The following TENM2 variants were observed in gnomAD, a reference collection of about 807,000 sequenced individuals.
TENM2 encodes teneurin-2.
Under a neutral mutation model 245.2 loss-of-function variants are expected in TENM2, and 52 were observed. The observed-to-expected ratio is 0.21, with a 90% CI of 0.17 to 0.27. TENM2 has a LOEUF of 0.27. Among genes scored for constraint, TENM2 ranks in the 10% least tolerant of loss-of-function variants. TENM2 has a pLI of 1.00. For missense variants in TENM2, 3,046 were observed against 3,666.8 expected (o/e 0.83, Z 4.37); for synonymous variants, 1,363 against 1,438.9 (o/e 0.95, Z 1.19).
chr5:167,868,402 T>A (rs1772516606), intron 2 of TENM2, among the ~76,000 whole-genome samples: 1 of 151,870 alleles, frequency 6.6e-6, no homozygotes, highest in Non-Finnish European at 1.5e-5. Flanking sequence ...AATATAAATA[T>A]TAGAAGTAAA....
chr5:167,446,518 G>A lies in TENM2; in HGVS notation c.502+71045G>A, dbSNP rs1217321273. Among the ~76,000 whole-genome samples the A allele has an allele frequency of 2.0e-5, 3 of 152,160 alleles. No individual in the cohort carries two copies. The East Asian group carries it at 5.8e-4, about 29-fold the overall frequency. On this transcript the variant is annotated intron_variant, in intron 2 of 28. Coordinates refer to ENST00000518659, the Ensembl canonical transcript of TENM2. ...TTAATTTCTTATACCATTCTAATAT[G>A]TGACTTGGAACTGATCCGTTGCTGT...
At chr5:167,539,241 G>T (rs945234255) in intron 2 of TENM2, among the ~76,000 whole-genome samples, 2 of 152,052 alleles carry the variant, frequency 1.3e-5, no homozygotes, top group African/African-American at 4.8e-5. Flanking sequence ...AAATCAAAAT[G>T]TTACATTTTA....
At chr5:168,082,943 A>G (rs895695913) in intron 7 of TENM2, among the ~76,000 whole-genome samples, 2 of 152,150 alleles carry the variant, frequency 1.3e-5, no homozygotes, top group Admixed American at 6.5e-5. Flanking sequence ...TCAGATCTCA[A>G]ACTCCATGCT....
At chr5:167,863,785 G>A (rs1772057178) in intron 2 of TENM2, among the ~76,000 whole-genome samples, 1 of 152,192 alleles carries the variant, frequency 6.6e-6, no homozygotes, top group Non-Finnish European at 1.5e-5. Context: ...CCACAATAAA[G>A]AACCCTGATC....
chr5:167,969,199 A>T (rs1437716179), intron 4 of TENM2, among the ~76,000 whole-genome samples: 1 of 152,184 alleles, frequency 6.6e-6, no homozygotes, highest in East Asian at 1.9e-4. Context: ...TTGTAGCTCC[A>T]ACAATTCCCA....
intron 3 of TENM2, among the ~76,000 whole-genome samples, chr5:167,885,546 A>G (rs1774212320): frequency 6.6e-6 from 1 of 152,228 alleles, no homozygotes; most frequent in Admixed American, 6.5e-5. Flanking sequence ...AGGCCACTCC[A>G]TGGCTGTGGT....
intron 25 of TENM2, among the ~76,000 whole-genome samples, chr5:168,230,551 AGCCCCTAAGCCGAAGGTACCCATTG>A (rs1487227359): frequency 1.3e-5 from 2 of 152,176 alleles, no homozygotes; most frequent in African/African-American, 4.8e-5. Context: ...GGGAGTTTGC[AGCCCCTAAGCCGAAGGTACCCATTG>A]GCCCCATAAG....
chr5:168,234,906 CAAG>C (rs1161515108), intron 25 of TENM2, among the ~76,000 whole-genome samples: 7 of 152,210 alleles, frequency 4.6e-5, no homozygotes, highest in African/African-American at 7.2e-5. Context: ...ATTAGTATTC[CAAG>C]AAGAAGTGGG....
At chr5:167,912,274 C>G (rs1299096240) in intron 3 of TENM2, among the ~76,000 whole-genome samples, 2 of 152,194 alleles carry the variant, frequency 1.3e-5, no homozygotes, top group African/African-American at 4.8e-5. Flanking sequence ...TGTCTTATTT[C>G]ACTTATCATA....
At chr5:167,315,776 C>A (rs1000429833) in intron 1 of TENM2, among the ~76,000 whole-genome samples, 3 of 151,888 alleles carry the variant, frequency 2.0e-5, no homozygotes, top group African/African-American at 7.3e-5. Flanking sequence ...CTGAAGTGGA[C>A]GGGCTGTCTC....
chr5:168,195,617 T>C (rs1034737392), intron 15 of TENM2, among the ~76,000 whole-genome samples: 1 of 109,134 alleles, frequency 9.2e-6, no homozygotes, highest in Non-Finnish European at 1.9e-5. Flanking sequence ...TGTGTTGGGG[T>C]GGGGGCAGGT....
At chr5:167,640,899 A>ATATATATATATC (rs1779562050) in intron 2 of TENM2, among the ~76,000 whole-genome samples, 1 of 93,120 alleles carries the variant, frequency 1.1e-5, no homozygotes, top group Non-Finnish European at 2.1e-5. Context: ...ATATATATAT[A>ATATATATATATC]TATATATCTT....
chr5:167,145,651 T>C, the TENM2 span, among the ~76,000 whole-genome samples: 5 of 152,180 alleles, frequency 3.3e-5, no homozygotes, highest in African/African-American at 1.2e-4. Flanking sequence ...ACTGGGGCAT[T>C]TTCTCGTTGC....
At chr5:167,435,980 T>TC (rs1764532607) in intron 2 of TENM2, among the ~76,000 whole-genome samples, 2 of 144,074 alleles carry the variant, frequency 1.4e-5, no homozygotes, top group Non-Finnish European at 3.0e-5. Flanking sequence ...TTTTTCTTTT[T>TC]TTTTTTTTTT....
At chr5:167,292,721 GGC>G (rs1754707824) in intron 1 of TENM2, among the ~76,000 whole-genome samples, 1 of 152,180 alleles carries the variant, frequency 6.6e-6, no homozygotes, top group Non-Finnish European at 1.5e-5. Flanking sequence ...CACAGAACCT[GGC>G]AGTTTTAAAA....
intron 2 of TENM2, among the ~76,000 whole-genome samples, chr5:167,823,023 A>G (rs1216797191): frequency 6.6e-6 from 1 of 152,178 alleles, no homozygotes; most frequent in Non-Finnish European, 1.5e-5. Flanking sequence ...AGGTAAATGT[A>G]TCCGTTTGAT....
the TENM2 span, among the ~76,000 whole-genome samples, chr5:167,145,096 G>A: frequency 8.2e-4 from 125 of 152,230 alleles, no homozygotes; most frequent in South Asian, 2.9e-3. Context: ...TCTCTCCTAA[G>A]TACCCTTGTG....
intron 12 of TENM2, among the ~76,000 whole-genome samples, chr5:168,161,871 A>G (rs1326885616): frequency 1.3e-5 from 2 of 151,678 alleles, no homozygotes; most frequent in Non-Finnish European, 2.9e-5. Context: ...AATCCACAAA[A>G]TAAGAACTAC....
the TENM2 span, among the ~76,000 whole-genome samples, chr5:167,059,806 C>T: frequency 2.0e-5 from 3 of 150,718 alleles, no homozygotes; most frequent in Non-Finnish European, 2.9e-5. Context: ...CAGGTTCAAG[C>T]GATTCTCCTG....
Sources: allele counts gnomAD v4.1 joint callset (sites outside exome capture counted in the v4.1 genomes callset), GRCh38; gene constraint gnomAD v4.1.1; transcripts MANE v1.5; gene names NCBI Gene and HGNC (gene_info 2026-07-23, HGNC 2026-07-21).